Variants in GPC6 observed in about 807,000 individuals in gnomAD.
The protein encoded by GPC6 is glypican 6.
In GPC6, 14 loss-of-function variants were observed where a neutral mutation model predicts 55.2. That is an observed-to-expected ratio of 0.25 (90% CI 0.17 to 0.40). GPC6 has a LOEUF of 0.40. GPC6 is among the 10% of genes least tolerant of loss of function. The pLI is 1.00. For missense variants in GPC6, 641 were observed against 708.5 expected, an observed-to-expected ratio of 0.90 and a Z score of 1.08; for synonymous variants, 278 against 259.6, an observed-to-expected ratio of 1.07 and a Z score of -0.68.
At chr13:93,729,558 A>G (rs1235841896) in intron 2 of GPC6, among the ~76,000 whole-genome samples, 4 of 152,194 alleles carry the variant, frequency 2.6e-5, no homozygotes, top group Non-Finnish European at 4.4e-5. Context: ...GGTACGTGTC[A>G]TCTTAGATAA....
At chr13:93,582,522 C>T (rs1444182345) in intron 2 of GPC6, among the ~76,000 whole-genome samples, 1 of 152,120 alleles carries the variant, frequency 6.6e-6, no homozygotes, top group Admixed American at 6.5e-5. Context: ...TATTAAAAGG[C>T]TACAATGTAG....
At chr13:93,724,475 A>G (rs1408227690) in intron 2 of GPC6, among the ~76,000 whole-genome samples, 1 of 152,004 alleles carries the variant, frequency 6.6e-6, no homozygotes, top group Non-Finnish European at 1.5e-5. Context: ...GGAAGCAAAA[A>G]CAGTGAATTC....
At chr13:93,427,138 G>A (rs1352380579) in intron 1 of GPC6, among the ~76,000 whole-genome samples, 1 of 151,244 alleles carries the variant, frequency 6.6e-6, no homozygotes, top group Non-Finnish European at 1.5e-5. Flanking sequence ...CTGGATATTA[G>A]CCCTTTGTCA....
At chr13:93,848,015 T>A (rs146465189) in intron 3 of GPC6, among the ~76,000 whole-genome samples, 1 of 152,190 alleles carries the variant, frequency 6.6e-6, no homozygotes, top group Admixed American at 6.6e-5. Context: ...CCCAGAATAT[T>A]GGTCTAGCAG....
chr13:94,035,805 G>T (rs915640617), intron 4 of GPC6, among the ~76,000 whole-genome samples: 1 of 151,624 alleles, frequency 6.6e-6, no homozygotes, highest in Non-Finnish European at 1.5e-5. Context: ...TGTGTGTGTG[G>T]ATATATATAT....
chr13:93,263,253 A>C (rs888851640), intron 1 of GPC6, among the ~76,000 whole-genome samples: 1 of 152,176 alleles, frequency 6.6e-6, no homozygotes, highest in Non-Finnish European at 1.5e-5. Context: ...TCAGGGTCTT[A>C]TTAGCTCATA....
At chr13:94,062,876 T>C (rs912484851) in intron 4 of GPC6, among the ~76,000 whole-genome samples, 2 of 152,316 alleles carry the variant, frequency 1.3e-5, no homozygotes, top group Middle Eastern at 3.4e-3. Flanking sequence ...ATTTCTGAAA[T>C]CTTTAACCGG....
intron 3 of GPC6, among the ~76,000 whole-genome samples, chr13:93,831,388 C>T (rs538664589): frequency 3.7e-4 from 56 of 152,236 alleles, no homozygotes; most frequent in African/African-American, 1.3e-3. Context: ...AAGACAATTA[C>T]TTAAAGAAGT....
chr13:93,395,187 C>A (rs533053070), intron 1 of GPC6: 39 of 294,074 alleles, frequency 1.3e-4, no homozygotes, highest in Non-Finnish European at 2.3e-4. Flanking sequence ...CCATCAAAGT[C>A]ACTGCAACTA....
chr13:94,387,764 C>CTCTG (rs1491569523), intron 7 of GPC6, among the ~76,000 whole-genome samples: 1,672 of 108,978 alleles, frequency 0.015, 28 homozygotes, highest in African/African-American at 0.063. Context: ...CTCTCTCTCT[C>CTCTG]TGCCGTGTGA....
At chr13:94,053,371 C>T (rs1458737481) in intron 4 of GPC6, among the ~76,000 whole-genome samples, 2 of 152,172 alleles carry the variant, frequency 1.3e-5, no homozygotes, top group Non-Finnish European at 2.9e-5. Flanking sequence ...TGAAGTGTAA[C>T]AGGGACTAGG....
At chr13:94,015,609 C>T (rs1882433532) in intron 3 of GPC6, among the ~76,000 whole-genome samples, 1 of 152,078 alleles carries the variant, frequency 6.6e-6, no homozygotes, top group South Asian at 2.1e-4. Flanking sequence ...AGATTTACCC[C>T]ATATGTTTCT....
intron 3 of GPC6, among the ~76,000 whole-genome samples, chr13:93,836,975 A>C (rs1274057980): frequency 6.6e-6 from 1 of 152,192 alleles, no homozygotes; most frequent in Non-Finnish European, 1.5e-5. Flanking sequence ...AGAAAGTTTC[A>C]CTTTGATTAA....
intron 1 of GPC6, among the ~76,000 whole-genome samples, chr13:93,397,826 C>G (rs902521555): frequency 1.3e-5 from 2 of 151,932 alleles, no homozygotes; most frequent in African/African-American, 2.4e-5. Context: ...AACTTGGAAG[C>G]CTGTCCTTTG....
chr13:93,287,738 G>T (rs1165888697), intron 1 of GPC6, among the ~76,000 whole-genome samples: 1 of 152,134 alleles, frequency 6.6e-6, no homozygotes, highest in Non-Finnish European at 1.5e-5. Flanking sequence ...ATTACGGGGG[G>T]AAATGAGATC....
At chr13:94,245,288 G>A (rs918341443) in intron 4 of GPC6, among the ~76,000 whole-genome samples, 1 of 151,844 alleles carries the variant, frequency 6.6e-6, no homozygotes, top group South Asian at 2.1e-4. Context: ...GCCTGGTGTG[G>A]TGGCTCATGC....
chr13:94,145,174 C>T (rs370700448), intron 4 of GPC6, among the ~76,000 whole-genome samples: 31 of 106,738 alleles, frequency 2.9e-4, no homozygotes, highest in Non-Finnish European at 4.3e-4. Flanking sequence ...GATGGATGGA[C>T]GGATGATGAA....
intron 1 of GPC6, among the ~76,000 whole-genome samples, chr13:93,295,115 A>T (rs73554229): frequency 1.4e-5 from 2 of 141,166 alleles, no homozygotes; most frequent in East Asian, 2.1e-4. Flanking sequence ...TCTGCAAAAA[A>T]AAAAAAAAAA....
intron 2 of GPC6, among the ~76,000 whole-genome samples, chr13:93,545,647 G>C (rs904556924): frequency 6.6e-6 from 1 of 150,814 alleles, no homozygotes; most frequent in African/African-American, 2.4e-5. Flanking sequence ...TTTTGCATTT[G>C]TGCTTTGCCT....
Sources: allele counts gnomAD v4.1 joint callset (sites outside exome capture counted in the v4.1 genomes callset), GRCh38; gene constraint gnomAD v4.1.1; transcripts MANE v1.5; gene names NCBI Gene and HGNC (gene_info 2026-07-23, HGNC 2026-07-21).